Variants in ELMO2 observed in about 807,000 individuals in gnomAD.
The protein encoded by ELMO2 is engulfment and cell motility 2.
ELMO2 carries 37 observed loss-of-function variants against 96.2 expected under a neutral mutation model. The observed-to-expected ratio is 0.38, with a 90% CI of 0.30 to 0.51. The LOEUF is 0.51. Ranked by LOEUF, ELMO2 falls within the 20% of genes least tolerant of loss-of-function variation. ELMO2 has a pLI of 0.88. For missense variants in ELMO2, 561 were observed against 912.6 expected (o/e 0.61, Z 4.96); for synonymous variants, 315 against 329.4 (o/e 0.96, Z 0.47).
chr20:46,389,094 C>A lies in ELMO2; in HGVS notation c.370G>T (p.Asp124Tyr). The A allele has an allele frequency of 6.2e-7, 1 of 1,614,052 alleles. No homozygotes were observed. Among genetic ancestry groups the A allele is most frequent in the Non-Finnish European group, 8.5e-7 (1 of 1,179,990 alleles). Residue 124 changes from aspartate to tyrosine, a missense_variant, in exon 7 of 22, where the codon GAT becomes TAT. Asp to Tyr is a radical substitution (Grantham distance 160, BLOSUM62 -3). Coordinates refer to ENST00000290246, the MANE Select transcript of ELMO2 (RefSeq NM_133171.5). Reference sequence around the variant, plus strand: ...AGCCTTGTCAGCACAATGATGCCATCCATGTTGATGAACTCAGTAGCGAAA... The same window carrying A: ...AGCCTTGTCAGCACAATGATGCCATACATGTTGATGAACTCAGTAGCGAAA... ...VTFATEFINM[D>Y]GIIVLTRLVE...
At chr20:46,387,265 C>T (rs2060062987) in intron 8 of ELMO2, 73 bp downstream of exon 8, 1 of 1,316,558 alleles carries the variant, frequency 7.6e-7, no homozygotes, top group South Asian at 1.2e-5. Context: ...GGCGATATTG[C>T]CTGTATCTCC....
At position 46,394,339 on chromosome 20, in the gene ELMO2, T is replaced by C. The variant is rs1382373629; in HGVS notation, c.78+66A>G. ...TGCCGGTGGTCCCCATCCCTCAAGA[T>C]GTCCTCTGCCATGCACTCCCCAGGT... On this transcript the variant is annotated intron_variant, in intron 3 of 21. Coordinates refer to ENST00000290246, the MANE Select transcript of ELMO2 (RefSeq NM_133171.5). 2.6e-6 allele frequency: 4 copies of C among 1,544,570 alleles called. No individual in the cohort carries two copies. The South Asian group carries it at 4.5e-5, about 17-fold the overall frequency.
In ELMO2 at chr20:46,394,051, A is replaced by G. The variant is rs1481323332; in HGVS notation, c.117T>C (p.Asp39=). The change falls in exon 4 of 22, where the codon GAT becomes GAC. Residue 39 remains aspartate, a splice_region_variant and synonymous_variant. Transcript: ENST00000290246. ...AAACGAGGTCCATTTCAACCTACCC[A>G]TCACAAACTTCCTTGATAATGGATG... ...PLASIIKEVC[D]GWSLPNPEYY... is the part of the protein sequence containing the mutation. The G allele has an allele frequency of 1.5e-5, 25 of 1,613,968 alleles. No individual in the cohort carries two copies. Among genetic ancestry groups the G allele is most frequent in the South Asian group, 3.3e-5 (3 of 91,072 alleles).
chr20:46,381,943 T>C (rs73296069), intron 10 of ELMO2, among the ~76,000 whole-genome samples: 2,613 of 152,314 alleles, frequency 0.017, 66 homozygotes, highest in African/African-American at 0.059. Flanking sequence ...TCTGCCCTAG[T>C]TGAACTACAG....
chr20:46,372,179 A>G (rs1433538784), intron 16 of ELMO2, among the ~76,000 whole-genome samples: 2 of 152,126 alleles, frequency 1.3e-5, no homozygotes, highest in African/African-American at 2.4e-5. Flanking sequence ...ATATATTTCA[A>G]TTGGTCAATG....
intron 11 of ELMO2, among the ~76,000 whole-genome samples, chr20:46,379,050 T>A (rs2059910507): frequency 6.6e-6 from 1 of 152,112 alleles, no homozygotes; most frequent in Non-Finnish European, 1.5e-5. Context: ...TAGAGCGCAA[T>A]GGCCTGGTCT....
chr20:46,387,053 C>T (rs2060058258), intron 8 of ELMO2, among the ~76,000 whole-genome samples: 1 of 152,166 alleles, frequency 6.6e-6, no homozygotes, highest in Non-Finnish European at 1.5e-5. Context: ...AGGGCTAGTA[C>T]TGGTTGACTG....
chr20:46,376,622 C>T (rs924969930), intron 11 of ELMO2: 21 of 1,289,384 alleles, frequency 1.6e-5, no homozygotes, highest in Middle Eastern at 4.3e-4. Flanking sequence ...ATTCCTGTCT[C>T]TCACCATCCT....
chr20:46,388,102 TA>T (rs1387953643), intron 7 of ELMO2, among the ~76,000 whole-genome samples: 1 of 152,234 alleles, frequency 6.6e-6, no homozygotes, highest in Non-Finnish European at 1.5e-5. Flanking sequence ...ATGATATTCC[TA>T]TTTACAAAGC....
chr20:46,380,140 G>A (rs1010389342), intron 11 of ELMO2, 113 bp downstream of exon 11: 3 of 897,274 alleles, frequency 3.3e-6, no homozygotes, highest in African/African-American at 3.4e-5. Context: ...CTATTGATAA[G>A]GTTCCTCTGT....
chr20:46,375,412 C>T lies in ELMO2; in HGVS notation c.931-42G>A. On this transcript the variant is annotated intron_variant, in intron 12 of 21. Coordinates refer to ENST00000290246, the MANE Select transcript of ELMO2 (RefSeq NM_133171.5). This position sits in a 1 kb window ranked among gnomAD's most constrained non-coding sequence, Gnocchi z 4.6. ...ACAGTCAGCAGGTGAATCGGCTAAC[C>T]AAGGGAGCAAGGAAAAGAAACAGTG... 1 of 1,606,110 alleles carries T rather than the reference C, an allele frequency of 6.2e-7. No homozygotes were observed. The highest frequency in any genetic ancestry group is 8.5e-7 in the Non-Finnish European group (1 of 1,174,560).
Position 46,383,638 on chromosome 20 carries a change from T to G in ELMO2, c.678-144A>C, listed in dbSNP as rs3764688. 3.7e-4 allele frequency: 290 copies of G among 773,944 alleles called. 2 individuals are homozygous for G. In the East Asian group the frequency reaches 7.4e-3, roughly 20 times the overall value. The allele number at this position is 773,944 out of a possible 1,614,324, so 47.9% of individuals were successfully genotyped here. On this transcript the variant is annotated intron_variant, in intron 9 of 21. Transcript: ENST00000290246. ...GTCTCAAAAGCATTCAAAGTGGGCA[T>G]GCTCTTGACCCAGCAATTTCACTAA...
intron 8 of ELMO2, among the ~76,000 whole-genome samples, chr20:46,386,864 G>A (rs2145819173): frequency 6.6e-6 from 1 of 152,302 alleles, no homozygotes. Flanking sequence ...GCTCCTTTGT[G>A]TAAAAGAAAG....
At chr20:46,393,387 T>C in intron 5 of ELMO2, 142 bp downstream of exon 5, 1 of 1,030,408 alleles carries the variant, frequency 9.7e-7, no homozygotes, top group Admixed American at 2.2e-5. Context: ...AGGGCTGGTG[T>C]TTCCCAGTCT....
chr20:46,372,593 T>C (rs2059746255), intron 16 of ELMO2, among the ~76,000 whole-genome samples: 2 of 152,222 alleles, frequency 1.3e-5, no homozygotes, highest in Non-Finnish European at 2.9e-5. Context: ...ACAGTGCCAC[T>C]GCACTCCAGC....
Position 46,371,781 on chromosome 20 carries a change from C to T in ELMO2, c.1580+25G>A, listed in dbSNP as rs766811805. ...CAGAGCTGGCAGCCACCTCCCCCGC[C>T]AGCCTCCCCTGAGATGGAACTTACA... On this transcript the variant is annotated intron_variant, in intron 17 of 21. Transcript: ENST00000290246. The surrounding 1 kb of genome is among the most constrained non-coding windows in gnomAD (Gnocchi z 5.9). The T allele has an allele frequency of 6.2e-7, 1 of 1,613,964 alleles. No individual in the cohort carries two copies. Among genetic ancestry groups the T allele is most frequent in the South Asian group, 1.1e-5 (1 of 91,072 alleles).
intron 5 of ELMO2, 29 bp downstream of exon 5, chr20:46,393,500 A>G (rs1401700740): frequency 8.1e-6 from 13 of 1,609,572 alleles, no homozygotes; most frequent in Non-Finnish European, 1.1e-5. Context: ...AGCAAGGCCC[A>G]TATTGATTTT....
Position 46,367,669 on chromosome 20 carries a change from C to T in ELMO2, c.1963-109G>A. On this transcript the variant is annotated intron_variant, in intron 21 of 21. Coordinates refer to ENST00000290246, the MANE Select transcript of ELMO2 (RefSeq NM_133171.5). The stretch of plus-strand genomic sequence containing the variant: ...CACAACAGTTCCTTTTGGAACTAAT[C>T]AGTATAGGCAAAACTGATTTGGAAT... The T allele has an allele frequency of 7.1e-6, 5 of 702,484 alleles. No homozygotes were observed. The South Asian group carries it at 1.6e-4, about 23-fold the overall frequency. 43.5% of individuals were successfully genotyped at this position (702,484 alleles called of 1,614,324 possible).
chr20:46,369,082 G>T, intron 20 of ELMO2, 114 bp from the exon 21 acceptor site: 1 of 969,290 alleles, frequency 1.0e-6, no homozygotes, highest in Non-Finnish European at 1.6e-6. Flanking sequence ...TGATTCAGAT[G>T]AATGTCATCA....
Sources: allele counts gnomAD v4.1 joint callset (sites outside exome capture counted in the v4.1 genomes callset), GRCh38; gene constraint gnomAD v4.1.1; non-coding constraint Gnocchi (gnomAD v3.1); transcripts MANE v1.5; gene names NCBI Gene and HGNC (gene_info 2026-07-23, HGNC 2026-07-21).